CAMTA1: variants seen among roughly 807,000 people sequenced by gnomAD.
CAMTA1 encodes the protein calmodulin-binding transcription activator 1.
CAMTA1 carries 27 observed loss-of-function variants against 170.9 expected under a neutral mutation model. That is an observed-to-expected ratio of 0.16 (90% CI 0.12 to 0.22). The LOEUF (loss-of-function observed/expected upper bound fraction) is 0.22. CAMTA1 is among the 10% of genes least tolerant of loss of function. CAMTA1 has a pLI of 1.00. For synonymous variants in CAMTA1, 833 were observed against 891.5 expected, an observed-to-expected ratio of 0.93 and a Z score of 1.17; for missense variants, 1,619 against 2,217.2, an observed-to-expected ratio of 0.73 and a Z score of 5.42.
At chr1:6,968,710 T>C (rs2149569341) in intron 3 of CAMTA1, among the ~76,000 whole-genome samples, 1 of 151,406 alleles carries the variant, frequency 6.6e-6, no homozygotes, top group African/African-American at 2.4e-5. Flanking sequence ...CCGTAGCAAG[T>C]GCTATCTAAG....
chr1:6,961,325 G>A (rs1376313605), intron 3 of CAMTA1, among the ~76,000 whole-genome samples: 1 of 152,200 alleles, frequency 6.6e-6, no homozygotes, highest in African/African-American at 2.4e-5. Context: ...CAGAGGGACT[G>A]ACCTAGCGGG....
At chr1:7,630,199 A>AC (rs1409502891) in intron 6 of CAMTA1, among the ~76,000 whole-genome samples, 7 of 150,678 alleles carry the variant, frequency 4.6e-5, no homozygotes, top group Admixed American at 1.3e-4. Flanking sequence ...GGATGGCTTG[A>AC]CCCCCCTCTC....
At chr1:7,080,509 T>A (rs938751981) in intron 3 of CAMTA1, among the ~76,000 whole-genome samples, 1 of 152,214 alleles carries the variant, frequency 6.6e-6, no homozygotes, top group Non-Finnish European at 1.5e-5. Flanking sequence ...AGTGAGATTG[T>A]AAACATCTTC....
chr1:7,176,149 T>C (rs1031055965), intron 4 of CAMTA1, among the ~76,000 whole-genome samples: 1 of 152,222 alleles, frequency 6.6e-6, no homozygotes, highest in African/African-American at 2.4e-5. Flanking sequence ...GTTAAAACAA[T>C]GTAATCCTTT....
chr1:6,940,739 C>G (rs1048560435), intron 3 of CAMTA1, among the ~76,000 whole-genome samples: 2 of 152,062 alleles, frequency 1.3e-5, no homozygotes, highest in African/African-American at 2.4e-5. Context: ...CTGGGGATTA[C>G]TGGAGCCCTC....
In CAMTA1 at chr1:6,939,471, T is replaced by C. The variant is rs141230126; in HGVS notation, c.234+114261T>C. Among the ~76,000 whole-genome samples, 1,172 of 152,338 alleles carry C rather than the reference T, an allele frequency of 7.7e-3. 20 individuals are homozygous for C. Among genetic ancestry groups the C allele is most frequent in the African/African-American group, 0.027 (1,122 of 41,570 alleles). ...ATCATTGATAATGTGTGGACAGGAC[T>C]TGGAGCTGCCAGCACCGCCCATGGG... On this transcript the variant is annotated intron_variant, in intron 3 of 22. Coordinates refer to ENST00000303635, the MANE Select transcript of CAMTA1 (RefSeq NM_015215.4).
intron 6 of CAMTA1, among the ~76,000 whole-genome samples, chr1:7,471,084 G>C (rs1205207894): frequency 6.6e-6 from 1 of 152,252 alleles, no homozygotes; most frequent in African/African-American, 2.4e-5. Flanking sequence ...TTGGTGCCAA[G>C]ATTTACAGAG....
At chr1:7,311,444 G>T (rs1676717997) in intron 5 of CAMTA1, among the ~76,000 whole-genome samples, 1 of 151,938 alleles carries the variant, frequency 6.6e-6, no homozygotes, top group African/African-American at 2.4e-5. Context: ...ATTTCCATTT[G>T]GTTCTTTATA....
chr1:7,663,801 C>T lies in CAMTA1; in HGVS notation c.1254C>T (p.Pro418=). 3 of 1,614,176 alleles carry T rather than the reference C, an allele frequency of 1.9e-6. No individual in the cohort carries two copies. Among genetic ancestry groups the T allele is most frequent in the Non-Finnish European group, 2.5e-6 (3 of 1,180,022 alleles). Residue 418 remains proline (P), a synonymous_variant, in exon 9 of 23, where the codon CCC becomes CCT. Transcript: ENST00000303635. ...ACACCATGTCCCCCACCGCTGGCCC[C>T]AACCACCACCTCCTCTCACCTGACG... The part of the protein sequence containing the change: ...AVYTMSPTAG[P]NHHLLSPDAS...
intron 4 of CAMTA1, among the ~76,000 whole-genome samples, chr1:7,157,065 C>T (rs753754980): frequency 2.0e-5 from 3 of 152,140 alleles, no homozygotes; most frequent in Admixed American, 6.5e-5. Flanking sequence ...AACTTTTGGC[C>T]GGGCGCGGTG....
chr1:7,004,039 T>C (rs985752265), intron 3 of CAMTA1, among the ~76,000 whole-genome samples: 1 of 152,238 alleles, frequency 6.6e-6, no homozygotes, highest in Admixed American at 6.5e-5. Flanking sequence ...CGTTTGGTTA[T>C]GGAACATGAT....
chr1:7,435,423 G>A lies in CAMTA1; in HGVS notation c.439-32407G>A, dbSNP rs979736588. Among the ~76,000 whole-genome samples, 7 of 152,168 alleles carry A rather than the reference G, an allele frequency of 4.6e-5. No individual in the cohort carries two copies. The highest frequency in any genetic ancestry group is 1.5e-5 in the Non-Finnish European group (1 of 68,036). ...CTGTACCTCTCCCTGTGGGATCCCTGCCCTAGGCTGGGTTCTTGCTCTGCT... is the reference window on the plus strand; with the variant it reads ...CTGTACCTCTCCCTGTGGGATCCCTACCCTAGGCTGGGTTCTTGCTCTGCT... On this transcript the variant is annotated intron_variant, in intron 5 of 22. Transcript: ENST00000303635. The surrounding 1 kb of genome is among the most constrained non-coding windows in gnomAD (Gnocchi z 4.4).
At chr1:7,713,687 C>G (rs77431736) in intron 11 of CAMTA1, among the ~76,000 whole-genome samples, 1 of 152,118 alleles carries the variant, frequency 6.6e-6, no homozygotes, top group African/African-American at 2.4e-5. Context: ...GCAGATAGAC[C>G]ATCCTCACAA....
At chr1:7,023,659 T>C (rs17030152) in intron 3 of CAMTA1, among the ~76,000 whole-genome samples, 39,378 of 151,920 alleles carry the variant, frequency 0.26, 5,232 homozygotes, top group Middle Eastern at 0.35. Context: ...ATAATTGCAA[T>C]GAAAACAAAA....
chr1:7,656,250 C>T (rs1368690347), intron 7 of CAMTA1, among the ~76,000 whole-genome samples: 4 of 152,216 alleles, frequency 2.6e-5, no homozygotes, highest in Admixed American at 2.0e-4. Flanking sequence ...AGAAATTGAT[C>T]GTCTCACAGT....
At chr1:6,977,310 G>T (rs1408295249) in intron 3 of CAMTA1, among the ~76,000 whole-genome samples, 1 of 151,956 alleles carries the variant, frequency 6.6e-6, no homozygotes, top group Admixed American at 6.6e-5. Flanking sequence ...GGGTTATGTT[G>T]GAGCCAAGTA....
intron 5 of CAMTA1, among the ~76,000 whole-genome samples, chr1:7,379,748 T>C (rs2087133755): frequency 6.6e-6 from 1 of 152,228 alleles, no homozygotes; most frequent in Non-Finnish European, 1.5e-5. Context: ...CTTCACTGTC[T>C]TTGTTTCTGA....
At chr1:7,539,157 AC>A (rs2094580752) in intron 6 of CAMTA1, among the ~76,000 whole-genome samples, 1 of 152,184 alleles carries the variant, frequency 6.6e-6, no homozygotes, top group African/African-American at 2.4e-5. Flanking sequence ...TCACATGCAA[AC>A]CCAGATGTAT....
chr1:7,746,714 T>C (rs1418585362), intron 18 of CAMTA1, among the ~76,000 whole-genome samples: 4 of 152,236 alleles, frequency 2.6e-5, no homozygotes, highest in African/African-American at 9.6e-5. Context: ...CTCTGCTCAC[T>C]GCAACCTCCA....
Sources: gnomAD v4.1 joint callset for allele counts (sites outside exome capture counted in the v4.1 genomes callset) on GRCh38, gnomAD v4.1.1 for gene constraint, Gnocchi (gnomAD v3.1) non-coding constraint, MANE v1.5 for transcripts, NCBI Gene and HGNC (gene_info 2026-07-23, HGNC 2026-07-21) for gene names.